PRKG1: variants seen among roughly 807,000 people sequenced by gnomAD.
PRKG1 encodes the protein cGMP-dependent protein kinase 1.
PRKG1 carries 35 observed loss-of-function variants against 88.1 expected under a neutral mutation model. That is an observed-to-expected ratio of 0.40 (90% CI 0.30 to 0.53). The LOEUF (loss-of-function observed/expected upper bound fraction) is 0.53. Ranked by LOEUF, PRKG1 falls within the 20% of genes least tolerant of loss-of-function variation. PRKG1 has a pLI of 0.59. For synonymous variants in PRKG1, 303 were observed against 292.5 expected, an observed-to-expected ratio of 1.04 and a Z score of -0.37; for missense variants, 540 against 839.8, an observed-to-expected ratio of 0.64 and a Z score of 4.41.
At chr10:51,377,600 G>GT (rs141237288) in intron 2 of PRKG1, among the ~76,000 whole-genome samples, 61 of 149,656 alleles carry the variant, frequency 4.1e-4, no homozygotes, top group African/African-American at 8.1e-4. Context: ...CCCACATGGT[G>GT]TTTTTTTTTT....
At chr10:52,082,098 G>A (rs1040286269) in intron 7 of PRKG1, among the ~76,000 whole-genome samples, 1 of 152,086 alleles carries the variant, frequency 6.6e-6, no homozygotes, top group Non-Finnish European at 1.5e-5. Flanking sequence ...CATGAAGGCG[G>A]CAAGAAGAAG....
chr10:51,288,631 A>G (rs1840503954), intron 2 of PRKG1, among the ~76,000 whole-genome samples: 1 of 152,176 alleles, frequency 6.6e-6, no homozygotes, highest in Non-Finnish European at 1.5e-5. Context: ...TTTGACTGTG[A>G]AGATATTTGA....
intron 3 of PRKG1, among the ~76,000 whole-genome samples, chr10:51,507,070 A>G (rs564381230): frequency 3.1e-4 from 47 of 150,922 alleles, no homozygotes; most frequent in South Asian, 6.3e-4. Flanking sequence ...CAAACACCAC[A>G]TGTTCTCACT....
At chr10:52,224,841 A>G (rs1223594638) in intron 9 of PRKG1, among the ~76,000 whole-genome samples, 1 of 142,956 alleles carries the variant, frequency 7.0e-6, no homozygotes, top group East Asian at 2.0e-4. Context: ...ATATATATAC[A>G]TACATACATA....
chr10:52,025,089 A>G (rs1248714625), intron 5 of PRKG1, among the ~76,000 whole-genome samples: 1 of 152,196 alleles, frequency 6.6e-6, no homozygotes, highest in East Asian at 1.9e-4. Context: ...AGTGATGATG[A>G]GCATTTTTTC....
intron 5 of PRKG1, among the ~76,000 whole-genome samples, chr10:52,041,049 G>C (rs1405182232): frequency 1.3e-5 from 2 of 151,850 alleles, no homozygotes; most frequent in African/African-American, 4.8e-5. Flanking sequence ...ATGTTGGCCA[G>C]GCTAGTTTTG....
chr10:51,656,376 G>A (rs1015039006), intron 3 of PRKG1, among the ~76,000 whole-genome samples: 7 of 151,966 alleles, frequency 4.6e-5, no homozygotes, highest in South Asian at 4.2e-4. Flanking sequence ...GCTCTCTGAC[G>A]TCCCCAATAT....
rs567186144 is a variant in PRKG1, at chr10:52,295,805, T to C, written c.*1905T>C. 1.1e-4 allele frequency: 17 copies of C among 151,988 alleles called. No individual in the cohort carries two copies. The highest frequency in any genetic ancestry group is 2.4e-4 in the Non-Finnish European group (16 of 67,912). The allele number at this position is 151,988 out of a possible 1,614,324, so 9.4% of individuals were successfully genotyped here. ...TAGAATATGGTATCTTATGAAAATA[T>C]AATATTCTTAAAATTTTGGAGGATA... On this transcript the variant is annotated 3_prime_UTR_variant, in exon 18 of 18. Transcript: ENST00000373980.
At position 51,644,537 on chromosome 10, in the gene PRKG1, G is replaced by A. The variant is rs111371856; in HGVS notation, c.593-160048G>A. ...CTGAATTGTTCCAACTTAGACCAGT[G>A]GGAGCCTATTCAAGTTTTATTCTGA... On this transcript the variant is annotated intron_variant, in intron 3 of 17. Transcript: ENST00000373980. 2.3e-3 allele frequency among the ~76,000 whole-genome samples: 350 copies of A among 152,056 alleles called. 2 individuals are homozygous for A. Among genetic ancestry groups the A allele is most frequent in the African/African-American group, 7.6e-3 (315 of 41,470 alleles).
At chr10:51,511,082 A>C (rs1290963277) in intron 3 of PRKG1, among the ~76,000 whole-genome samples, 2 of 152,020 alleles carry the variant, frequency 1.3e-5, no homozygotes, top group Non-Finnish European at 2.9e-5. Flanking sequence ...AGAAATTTTT[A>C]AGTGTTTCAT....
chr10:51,766,035 A>G (rs558212380), intron 3 of PRKG1, among the ~76,000 whole-genome samples: 27 of 152,150 alleles, frequency 1.8e-4, no homozygotes, highest in African/African-American at 6.3e-4. Context: ...TTGCAGTCAC[A>G]CCAATGCACC....
intron 3 of PRKG1, among the ~76,000 whole-genome samples, chr10:51,659,918 A>G (rs1840253482): frequency 6.6e-6 from 1 of 152,058 alleles, no homozygotes. Context: ...ACATCAAAGA[A>G]GCAAAAATAA....
intron 2 of PRKG1, among the ~76,000 whole-genome samples, chr10:51,390,415 A>G (rs1228400408): frequency 6.6e-6 from 1 of 152,234 alleles, no homozygotes; most frequent in East Asian, 1.9e-4. Flanking sequence ...GACAATCAAT[A>G]TGTTTACATA....
At chr10:52,225,137 A>T (rs1840360414) in intron 9 of PRKG1, among the ~76,000 whole-genome samples, 2 of 152,022 alleles carry the variant, frequency 1.3e-5, no homozygotes, top group Non-Finnish European at 2.9e-5. Context: ...CATCCATGCC[A>T]ACATCTACTG....
At chr10:51,591,421 T>C (rs770247912) in intron 3 of PRKG1, among the ~76,000 whole-genome samples, 10 of 152,228 alleles carry the variant, frequency 6.6e-5, no homozygotes, top group African/African-American at 2.2e-4. Flanking sequence ...TCATTTTAAA[T>C]GGCACATTTG....
chr10:51,149,242 C>T (rs960870575), intron 1 of PRKG1, among the ~76,000 whole-genome samples: 1 of 152,124 alleles, frequency 6.6e-6, no homozygotes. Flanking sequence ...CTTCCCTACA[C>T]CTTGAAATAA....
intron 5 of PRKG1, among the ~76,000 whole-genome samples, chr10:51,947,332 G>A (rs1408954582): frequency 2.6e-5 from 4 of 152,150 alleles, no homozygotes; most frequent in African/African-American, 9.7e-5. Flanking sequence ...CAGTATTGGG[G>A]TGGGAGTGAC....
intron 1 of PRKG1, among the ~76,000 whole-genome samples, chr10:51,147,528 T>C (rs1845972397): frequency 6.6e-6 from 1 of 152,152 alleles, no homozygotes; most frequent in African/African-American, 2.4e-5. Context: ...TTCCACATCA[T>C]TGTTTTTAGA....
At chr10:51,735,877 A>ATGTT (rs1292242827) in intron 3 of PRKG1, among the ~76,000 whole-genome samples, 1 of 115,672 alleles carries the variant, frequency 8.6e-6, no homozygotes, top group African/African-American at 3.8e-5. Context: ...ATATATATAT[A>ATGTT]TATGTATATT....
Sources: gnomAD v4.1 joint callset for allele counts (sites outside exome capture counted in the v4.1 genomes callset) on GRCh38, gnomAD v4.1.1 for gene constraint, MANE v1.5 for transcripts, NCBI Gene and HGNC (gene_info 2026-07-23, HGNC 2026-07-21) for gene names.